The following DCDC2C variants were observed in gnomAD, a reference collection of about 807,000 sequenced individuals.
DCDC2C encodes doublecortin domain-containing protein 2C.
A neutral mutation model predicts 45.0 loss-of-function variants in DCDC2C; 44 were observed. The observed-to-expected ratio is 0.98, with a 90% CI of 0.77 to 1.26. DCDC2C has a LOEUF of 1.26. Among genes scored for constraint, DCDC2C ranks in the 50% most tolerant of loss-of-function variants. The pLI is 0.00. For synonymous variants in DCDC2C, 187 were observed against 178.8 expected (o/e 1.05, Z -0.37); for missense variants, 447 against 468.9 (o/e 0.95, Z 0.43).
At chr2:3,740,536 T>C (rs1392810775) in intron 3 of DCDC2C, among the ~76,000 whole-genome samples, 3 of 152,262 alleles carry the variant, frequency 2.0e-5, no homozygotes, top group Non-Finnish European at 4.4e-5. Context: ...CATTGATTAC[T>C]TTTATTCCTA....
chr2:3,762,978 G>T (rs1669921677), intron 6 of DCDC2C, among the ~76,000 whole-genome samples: 1 of 152,114 alleles, frequency 6.6e-6, no homozygotes, highest in Non-Finnish European at 1.5e-5. Context: ...AGGGCTGAAT[G>T]TTGGGGGAGG....
intron 8 of DCDC2C, among the ~76,000 whole-genome samples, chr2:3,773,740 G>A (rs2148162423): frequency 2.0e-5 from 3 of 152,308 alleles, no homozygotes; most frequent in Middle Eastern, 3.4e-3. Flanking sequence ...CTTTCTTGGG[G>A]AAATAGTCTA....
chr2:3,733,083 ATTT>A (rs1668919630), intron 3 of DCDC2C, among the ~76,000 whole-genome samples: 1 of 152,218 alleles, frequency 6.6e-6, no homozygotes, highest in Non-Finnish European at 1.5e-5. Flanking sequence ...TCGTGGAGGC[ATTT>A]TGGCAGTGGA....
intron 9 of DCDC2C, among the ~76,000 whole-genome samples, chr2:3,780,146 G>A (rs552971967): frequency 7.7e-4 from 118 of 152,266 alleles, no homozygotes; most frequent in African/African-American, 2.7e-3. Context: ...GGCACCCTCC[G>A]TCGAGGGTAA....
In DCDC2C at chr2:3,733,927, T is replaced by A. The variant is rs955214648; in HGVS notation, c.416+6848T>A. On this transcript the variant is annotated intron_variant, in intron 3 of 10. Transcript: ENST00000399143. ...TCCCAAGGCCTAGAAACCACGTGGG[T>A]TCCTCAAGCGGTGGGGGAAGAGGCT... Among the ~76,000 whole-genome samples the A allele has an allele frequency of 3.3e-5, 5 of 152,066 alleles. No homozygotes were observed. In the South Asian group the frequency reaches 6.2e-4, roughly 19 times the overall value.
Position 3,703,575 on chromosome 2 carries a change from A to AGCCTCCGCCCGCCTGGCG in DCDC2C, c.-174_-173insTCCGCCCGCCTGGCGGCC. On this transcript the variant is annotated 5_prime_UTR_variant, in exon 1 of 11. Coordinates refer to ENST00000399143, the MANE Select transcript of DCDC2C (RefSeq NM_001287444.2). This position sits in a 1 kb window ranked among gnomAD's most constrained non-coding sequence, Gnocchi z 4.4. ...AACACGCAGCCTCCGCCCGCCTGGC[A>AGCCTCCGCCCGCCTGGCG]GCCCCGTCCCGTCCCCGTCCAGCCC... is the stretch of plus-strand genomic sequence containing the variant. 1.7e-6 allele frequency: 1 copy of AGCCTCCGCCCGCCTGGCG among 583,816 alleles called. No homozygotes were observed. The highest frequency in any genetic ancestry group is 2.1e-5 in the African/African-American group (1 of 46,660). The allele number at this position is 583,816 out of a possible 1,614,324, so 36.2% of individuals were successfully genotyped here. A position where few individuals can be genotyped will look rare whatever the true frequency, so the allele number is the denominator to read the frequency against.
chr2:3,796,648 T>C (rs1670963254), intron 10 of DCDC2C, among the ~76,000 whole-genome samples: 1 of 133,154 alleles, frequency 7.5e-6, no homozygotes, highest in South Asian at 2.5e-4. Context: ...TGTCTTTGGT[T>C]CTGTTTATAT....
intron 3 of DCDC2C, among the ~76,000 whole-genome samples, chr2:3,732,853 G>A (rs1312076334): frequency 6.6e-6 from 1 of 152,210 alleles, no homozygotes; most frequent in African/African-American, 2.4e-5. Flanking sequence ...AGACAACCCA[G>A]TTCTTCAGAC....
At chr2:3,773,856 T>C (rs896146451) in intron 8 of DCDC2C, among the ~76,000 whole-genome samples, 3 of 152,340 alleles carry the variant, frequency 2.0e-5, no homozygotes, top group African/African-American at 7.2e-5. Flanking sequence ...AGCTGATGCG[T>C]GAGAAGCATG....
intron 4 of DCDC2C, among the ~76,000 whole-genome samples, chr2:3,750,409 C>T (rs890849909): frequency 2.6e-5 from 4 of 152,054 alleles, no homozygotes; most frequent in African/African-American, 4.8e-5. Context: ...TTTATTTAAC[C>T]ACGTCCTCTA....
chr2:3,757,732 A>G (rs149895710), intron 6 of DCDC2C, among the ~76,000 whole-genome samples: 15 of 152,284 alleles, frequency 9.9e-5, no homozygotes, highest in African/African-American at 3.1e-4. Flanking sequence ...ACCCTAGCAG[A>G]CCTCACCCAG....
chr2:3,786,798 C>A (rs1372281666), intron 10 of DCDC2C, among the ~76,000 whole-genome samples: 1 of 152,218 alleles, frequency 6.6e-6, no homozygotes, highest in African/African-American at 2.4e-5. Flanking sequence ...CACTAACTTG[C>A]TAGGTGTCCT....
At chr2:3,826,875 T>C (rs761401954) in intron 10 of DCDC2C, among the ~76,000 whole-genome samples, 1 of 152,158 alleles carries the variant, frequency 6.6e-6, no homozygotes, top group Non-Finnish European at 1.5e-5. Context: ...TGCATCTCTG[T>C]GGCCTTCCTC....
intron 4 of DCDC2C, among the ~76,000 whole-genome samples, chr2:3,749,985 C>T (rs1669492102): frequency 6.6e-6 from 1 of 152,098 alleles, no homozygotes; most frequent in Non-Finnish European, 1.5e-5. Context: ...CTGCTGACAG[C>T]TCATTTTCCC....
At chr2:3,825,076 A>C (rs1253684867) in intron 10 of DCDC2C, among the ~76,000 whole-genome samples, 1 of 152,056 alleles carries the variant, frequency 6.6e-6, no homozygotes, top group African/African-American at 2.4e-5. Context: ...GGGTTTAGGG[A>C]GGGCCCTGAG....
rs886700443 is a variant in DCDC2C, at chr2:3,719,504, T to A, written c.340-7499T>A. Among the ~76,000 whole-genome samples, 4 of 152,164 alleles carry A rather than the reference T, an allele frequency of 2.6e-5. 1 individual carries two copies. Among genetic ancestry groups the A allele is most frequent in the Admixed American group, 6.5e-5 (1 of 15,286 alleles). On this transcript the variant is annotated intron_variant, in intron 2 of 10. Coordinates refer to ENST00000399143, the MANE Select transcript of DCDC2C (RefSeq NM_001287444.2). ...AGCTGCTTTCTTTCTCTTTCCTGCC[T>A]TTTCTAGTATGCTGAAGGGTCACCG...
chr2:3,762,887 G>C (rs2148143606), intron 6 of DCDC2C, among the ~76,000 whole-genome samples: 1 of 152,242 alleles, frequency 6.6e-6, no homozygotes, highest in South Asian at 2.1e-4. Flanking sequence ...AGGGCTTCAG[G>C]GGAACTGACA....
chr2:3,737,795 A>G (rs1048078572), intron 3 of DCDC2C, among the ~76,000 whole-genome samples: 1 of 151,996 alleles, frequency 6.6e-6, no homozygotes, highest in Non-Finnish European at 1.5e-5. Flanking sequence ...CCTGACCAAA[A>G]CCCATTCCTG....
intron 6 of DCDC2C, among the ~76,000 whole-genome samples, chr2:3,760,674 G>A (rs1245620807): frequency 2.6e-5 from 4 of 151,994 alleles, no homozygotes; most frequent in Non-Finnish European, 4.4e-5. Flanking sequence ...ACTGGGGCCT[G>A]TTAGGGGGTG....
Sources: allele counts gnomAD v4.1 joint callset (sites outside exome capture counted in the v4.1 genomes callset), GRCh38; gene constraint gnomAD v4.1.1; non-coding constraint Gnocchi (gnomAD v3.1); transcripts MANE v1.5; gene names NCBI Gene and HGNC (gene_info 2026-07-23, HGNC 2026-07-21).